Variants in GARIN1A observed in about 807,000 individuals in gnomAD.
GARIN1A encodes golgi associated RAB2 interactor 1A.
the GARIN1A span, among the ~76,000 whole-genome samples, chr7:128,700,279 A>ATTTT: frequency 1.7e-5 from 2 of 119,474 alleles, 1 homozygote; most frequent in Non-Finnish European, 3.7e-5. Flanking sequence ...TTTGTTTTGT[A>ATTTT]TTTTGTTTTT....
the GARIN1A span, chr7:128,677,934 T>C: frequency 1.2e-6 from 1 of 862,116 alleles, no homozygotes; most frequent in Non-Finnish European, 1.7e-6. Context: ...TAAATATCAT[T>C]TTGATAATTT....
the GARIN1A span, among the ~76,000 whole-genome samples, chr7:128,673,224 G>GA: frequency 1.3e-5 from 2 of 152,188 alleles, no homozygotes; most frequent in Non-Finnish European, 2.9e-5. Flanking sequence ...GAGGTGCAGA[G>GA]AAAAATCAGA....
the GARIN1A span, among the ~76,000 whole-genome samples, chr7:128,688,316 G>A: frequency 1.3e-5 from 2 of 152,044 alleles, no homozygotes; most frequent in East Asian, 1.9e-4. Flanking sequence ...GGCCCCCCTG[G>A]TTTCTTCCTT....
chr7:128,677,588 G>T, the GARIN1A span: 6 of 1,611,364 alleles, frequency 3.7e-6, no homozygotes, highest in African/African-American at 8.0e-5. Context: ...AGTACGTGGA[G>T]CTACGAATCT....
At chr7:128,677,832 G>A in the GARIN1A span, 754 of 1,605,668 alleles carry the variant, frequency 4.7e-4, no homozygotes, top group Non-Finnish European at 6.1e-4. Flanking sequence ...GCCTCCTTCC[G>A]GGACCTGTCG....
chr7:128,706,664 C>T, the GARIN1A span, among the ~76,000 whole-genome samples: 1 of 152,170 alleles, frequency 6.6e-6, no homozygotes, highest in African/African-American at 2.4e-5. Context: ...CTTATTTGCT[C>T]ATGTAACTAG....
At chr7:128,701,542 G>A in the GARIN1A span, among the ~76,000 whole-genome samples, 8 of 151,964 alleles carry the variant, frequency 5.3e-5, no homozygotes, top group African/African-American at 9.7e-5. Flanking sequence ...GGATTGGATC[G>A]CACAGTCTAA....
the GARIN1A span, chr7:128,677,444 C>T: frequency 1.8e-6 from 2 of 1,116,886 alleles, no homozygotes; most frequent in East Asian, 2.8e-5. Flanking sequence ...GGGGCAGAGC[C>T]TGCAGTGAGC....
the GARIN1A span, chr7:128,672,651 G>T: frequency 3.0e-6 from 2 of 656,876 alleles, no homozygotes; most frequent in Non-Finnish European, 4.6e-6. Flanking sequence ...CCTGGGGGAG[G>T]GGGGGGCGGG....
At chr7:128,701,178 C>G in the GARIN1A span, among the ~76,000 whole-genome samples, 1 of 150,992 alleles carries the variant, frequency 6.6e-6, no homozygotes, top group Non-Finnish European at 1.5e-5. Flanking sequence ...AAAGTTCAGC[C>G]CCATGTTGTT....
chr7:128,676,478 C>T, the GARIN1A span, among the ~76,000 whole-genome samples: 10 of 151,628 alleles, frequency 6.6e-5, no homozygotes, highest in Admixed American at 1.3e-4. Context: ...TATATATAGA[C>T]ACGTTTCCAT....
chr7:128,704,689 C>T, the GARIN1A span, among the ~76,000 whole-genome samples: 1 of 152,118 alleles, frequency 6.6e-6, no homozygotes, highest in African/African-American at 2.4e-5. Context: ...AATCTAACGC[C>T]GCCGCTGATC....
the GARIN1A span, among the ~76,000 whole-genome samples, chr7:128,677,020 C>CA: frequency 1.3e-5 from 2 of 151,264 alleles, no homozygotes; most frequent in African/African-American, 2.4e-5. Flanking sequence ...CAAAAAATAC[C>CA]AAAAAAATTA....
the GARIN1A span, among the ~76,000 whole-genome samples, chr7:128,689,334 G>T: frequency 1.1e-3 from 162 of 151,944 alleles, no homozygotes; most frequent in Non-Finnish European, 1.9e-3. Flanking sequence ...CTTACCGGCC[G>T]CCATCCCATC....
the GARIN1A span, among the ~76,000 whole-genome samples, chr7:128,692,791 A>C: frequency 6.6e-5 from 10 of 152,204 alleles, no homozygotes; most frequent in African/African-American, 2.4e-4. Context: ...AGAAGCTGGG[A>C]GCATGAATGT....
chr7:128,699,889 T>C, the GARIN1A span, among the ~76,000 whole-genome samples: 1 of 152,222 alleles, frequency 6.6e-6, no homozygotes, highest in Non-Finnish European at 1.5e-5. Flanking sequence ...GAGACTATTA[T>C]ATTTTTGAGT....
At chr7:128,682,657 A>C in the GARIN1A span, among the ~76,000 whole-genome samples, 1 of 152,150 alleles carries the variant, frequency 6.6e-6, no homozygotes, top group Non-Finnish European at 1.5e-5. Flanking sequence ...TGCTCACTGC[A>C]AGCTCCGCCT....
At chr7:128,673,077 G>A in the GARIN1A span, among the ~76,000 whole-genome samples, 4 of 152,180 alleles carry the variant, frequency 2.6e-5, no homozygotes, top group Non-Finnish European at 4.4e-5. Flanking sequence ...GGTCGTTTTC[G>A]TAAGTATCAA....
the GARIN1A span, among the ~76,000 whole-genome samples, chr7:128,705,591 C>G: frequency 6.6e-6 from 1 of 150,666 alleles, no homozygotes; most frequent in Admixed American, 6.6e-5. Flanking sequence ...GCCTTAGCCT[C>G]TATTGAAAAC....
Sources: allele counts gnomAD v4.1 joint callset (sites outside exome capture counted in the v4.1 genomes callset), GRCh38; gene constraint gnomAD v4.1.1; transcripts MANE v1.5; gene names NCBI Gene and HGNC (gene_info 2026-07-23, HGNC 2026-07-21).